ESR1: variants seen among roughly 807,000 people sequenced by gnomAD.
ESR1 encodes estrogen receptor 1, also known as estrogen receptor.
ESR1 carries 12 observed loss-of-function variants against 52.7 expected under a neutral mutation model. That is an observed-to-expected ratio of 0.23 (90% confidence interval 0.15 to 0.37). The LOEUF (loss-of-function observed/expected upper bound fraction) is 0.37, where lower values mean the gene tolerates loss of function less well. Among genes scored for constraint, ESR1 ranks in the 10% least tolerant of loss-of-function variants. The pLI is 1.00. For missense variants in ESR1, 584 were observed against 779.7 expected, an observed-to-expected ratio of 0.75 and a Z score of 2.99; for synonymous variants, 305 against 316.8, an observed-to-expected ratio of 0.96 and a Z score of 0.39.
At chr6:152,042,148 G>T (rs532433040) in intron 5 of ESR1, among the ~76,000 whole-genome samples, 2 of 152,156 alleles carry the variant, frequency 1.3e-5, no homozygotes, top group East Asian at 1.9e-4. Context: ...CTAGGTAGAG[G>T]CAGCTGTAAT....
intron 2 of ESR1, among the ~76,000 whole-genome samples, chr6:151,743,862 G>A (rs185401536): frequency 9.2e-5 from 14 of 152,118 alleles, no homozygotes; most frequent in South Asian, 2.1e-4. Context: ...CGAATTAATC[G>A]TAGAGTATTT....
rs1322746089 is a variant in ESR1, at chr6:152,069,856, G to A, written c.1369+8732G>A. On this transcript the variant is annotated intron_variant, in intron 6 of 7. Coordinates refer to ENST00000206249, the MANE Select transcript of ESR1 (RefSeq NM_000125.4). ...GTACCAGTTTGCAACCCAGGCAGCT[G>A]GGGACCTCTGGGCTGTAGGGTAGGC... 3.6e-5 allele frequency among the ~76,000 whole-genome samples: 5 copies of A among 137,576 alleles called. 1 individual carries two copies. The highest frequency in any genetic ancestry group is 1.6e-4 in the African/African-American group (5 of 30,988). The allele number at this position is 137,576 out of a possible 152,430, so 90.3% of individuals were successfully genotyped here. A position where few individuals can be genotyped will look rare whatever the true frequency, so the allele number is the denominator to read the frequency against.
At chr6:152,032,268 A>G (rs997134748) in intron 5 of ESR1, among the ~76,000 whole-genome samples, 3 of 152,206 alleles carry the variant, frequency 2.0e-5, no homozygotes, top group Non-Finnish European at 2.9e-5. Context: ...CCTATTCAAC[A>G]TAGTGTTGGA....
At chr6:151,860,806 A>G (rs1788735481) in intron 2 of ESR1, among the ~76,000 whole-genome samples, 1 of 152,224 alleles carries the variant, frequency 6.6e-6, no homozygotes, top group South Asian at 2.1e-4. Context: ...AGCCAGTTAT[A>G]TGATGTGTTA....
chr6:152,124,755 T>C (rs1374095398), intron 6 of ESR1, among the ~76,000 whole-genome samples: 2 of 152,222 alleles, frequency 1.3e-5, no homozygotes, highest in Admixed American at 6.5e-5. Context: ...TCATATACCT[T>C]ATTAATGGAA....
At chr6:151,835,644 T>C (rs1221314434) in intron 1 of ESR1, among the ~76,000 whole-genome samples, 1 of 152,196 alleles carries the variant, frequency 6.6e-6, no homozygotes, top group Non-Finnish European at 1.5e-5. Flanking sequence ...ATGAAATGTG[T>C]GTAGGTGACA....
intron 2 of ESR1, among the ~76,000 whole-genome samples, chr6:151,788,113 A>T (rs951420597): frequency 6.6e-6 from 1 of 152,236 alleles, no homozygotes; most frequent in Admixed American, 6.5e-5. Context: ...GAGAAATGAG[A>T]TCTAATTATA....
At chr6:151,792,966 C>T (rs947663513) in intron 2 of ESR1, among the ~76,000 whole-genome samples, 14 of 151,962 alleles carry the variant, frequency 9.2e-5, no homozygotes, top group African/African-American at 3.1e-4. Context: ...GTCAGGAGAT[C>T]GAGACCATCC....
chr6:152,105,848 C>T (rs541935643), downstream of ESR1, among the ~76,000 whole-genome samples: 13 of 124,388 alleles, frequency 1.0e-4, no homozygotes, highest in East Asian at 1.0e-3. Flanking sequence ...ACTGCAGTGG[C>T]GCAATCTCGG....
chr6:151,710,864 T>C (rs1387244266), intron 2 of ESR1, among the ~76,000 whole-genome samples: 1 of 152,206 alleles, frequency 6.6e-6, no homozygotes, highest in African/African-American at 2.4e-5. Flanking sequence ...TCCATGTCCC[T>C]ACAAAGGACA....
chr6:152,113,697 G>A (rs1585277693), intron 6 of ESR1, among the ~76,000 whole-genome samples: 2 of 152,072 alleles, frequency 1.3e-5, no homozygotes, highest in African/African-American at 4.8e-5. Flanking sequence ...GGGAAGATCT[G>A]GTAATTCCCA....
intron 4 of ESR1, among the ~76,000 whole-genome samples, chr6:152,005,882 C>G (rs1480056427): frequency 6.6e-6 from 1 of 152,026 alleles, no homozygotes; most frequent in Non-Finnish European, 1.5e-5. Flanking sequence ...TTGGAAATAG[C>G]TAGTCCTCAG....
chr6:151,858,141 GCTTTCGTTCATTATC>G (rs1261673977), intron 2 of ESR1, among the ~76,000 whole-genome samples: 2 of 152,122 alleles, frequency 1.3e-5, no homozygotes, highest in Non-Finnish European at 2.9e-5. Context: ...CTCAAGTTCA[GCTTTCGTTCATTATC>G]CATGAGCCCA....
intron 2 of ESR1, among the ~76,000 whole-genome samples, chr6:151,868,334 G>A (rs1249418775): frequency 6.6e-6 from 1 of 152,012 alleles, no homozygotes; most frequent in Non-Finnish European, 1.5e-5. Context: ...TACCATATTG[G>A]CCAGGCTGGT....
At chr6:151,931,720 G>A (rs2033641492) in intron 3 of ESR1, among the ~76,000 whole-genome samples, 2 of 146,142 alleles carry the variant, frequency 1.4e-5, no homozygotes, top group South Asian at 2.2e-4. Flanking sequence ...TTTTGTTCTT[G>A]CGATAGTTTA....
chr6:152,042,445 C>A (rs534951601), intron 5 of ESR1, among the ~76,000 whole-genome samples: 1 of 152,296 alleles, frequency 6.6e-6, no homozygotes, highest in African/African-American at 2.4e-5. Flanking sequence ...GTCCAGTTGT[C>A]CCTGAAATGT....
intron 4 of ESR1, among the ~76,000 whole-genome samples, chr6:151,951,271 G>C (rs1268776298): frequency 2.0e-5 from 3 of 152,054 alleles, no homozygotes; most frequent in Non-Finnish European, 4.4e-5. Flanking sequence ...TGGCTCCACA[G>C]TTGTTTCGGT....
At chr6:151,699,316 A>T (rs1464498836) in intron 1 of ESR1, among the ~76,000 whole-genome samples, 1 of 152,174 alleles carries the variant, frequency 6.6e-6, no homozygotes, top group East Asian at 1.9e-4. Context: ...TGTTGATGGG[A>T]TTCCTAGAAT....
At chr6:151,933,098 C>T (rs893104330) in intron 3 of ESR1, among the ~76,000 whole-genome samples, 1 of 151,920 alleles carries the variant, frequency 6.6e-6, no homozygotes, top group Non-Finnish European at 1.5e-5. Context: ...ATGGAATGTT[C>T]TTCCGTTTGT....
Sources: allele counts gnomAD v4.1 joint callset (sites outside exome capture counted in the v4.1 genomes callset), GRCh38; gene constraint gnomAD v4.1.1; transcripts MANE v1.5; gene names NCBI Gene and HGNC (gene_info 2026-07-23, HGNC 2026-07-21).